FBXL7: variants seen among roughly 807,000 people sequenced by gnomAD.
FBXL7 encodes the protein F-box/LRR-repeat protein 7.
FBXL7 carries 12 observed loss-of-function variants against 38.3 expected under a neutral mutation model. The observed-to-expected ratio is 0.31, with a 90% CI of 0.20 to 0.51. The LOEUF is 0.51. Among genes scored for constraint, FBXL7 ranks in the 20% least tolerant of loss-of-function variants. FBXL7 has a pLI of 0.98. For missense variants in FBXL7, 567 were observed against 676.4 expected, an observed-to-expected ratio of 0.84 and a Z score of 1.79; for synonymous variants, 297 against 300.9, an observed-to-expected ratio of 0.99 and a Z score of 0.13.
At chr5:15,772,091 A>AAG (rs1736745182) in intron 2 of FBXL7, among the ~76,000 whole-genome samples, 1 of 152,070 alleles carries the variant, frequency 6.6e-6, no homozygotes, top group South Asian at 2.1e-4. Flanking sequence ...ACTTTTAATA[A>AAG]AGTAACTATA....
At position 15,939,292 on chromosome 5, in the gene FBXL7, G is replaced by T; in HGVS notation, c.*2106G>T. On this transcript the variant is annotated 3_prime_UTR_variant, in exon 4 of 4. Transcript: ENST00000504595. ...GCAGCATTCCTCAGCTCTGTGACTT[G>T]TGACCCTATTTGAAGTTTCAGGATT... 1 of 369,174 alleles carries T rather than the reference G, an allele frequency of 2.7e-6. No individual in the cohort carries two copies. Among genetic ancestry groups the T allele is most frequent in the East Asian group, 3.9e-5 (1 of 25,654 alleles). 22.9% of individuals were successfully genotyped at this position (369,174 alleles called of 1,614,324 possible).
chr5:15,575,861 A>G lies in FBXL7; in HGVS notation c.38-40122A>G, dbSNP rs146414687. Among the ~76,000 whole-genome samples, 1,406 of 152,306 alleles carry G rather than the reference A, an allele frequency of 9.2e-3. 12 individuals are homozygous for G. Among genetic ancestry groups the G allele is most frequent in the Non-Finnish European group, 0.014 (954 of 68,018 alleles). On this transcript the variant is annotated intron_variant, in intron 1 of 3. Transcript: ENST00000504595. The stretch of plus-strand genomic sequence containing the variant: ...TCTCATTGTACACTGTTCTAGGAGC[A>G]AATAACTAGTTTCCACAAAGAACAA...
rs1278363568 is a variant in FBXL7, at chr5:15,928,244, G to T, written c.482G>T (p.Gly161Val). Residue 161 changes from glycine (G) to valine (V), a missense_variant, in exon 3 of 4, where the codon GGC (glycine) becomes GTC (valine). By Grantham distance (109) the Gly-to-Val change is moderately radical. Coordinates refer to ENST00000504595, the MANE Select transcript of FBXL7 (RefSeq NM_012304.5). The surrounding 1 kb of genome is among the most constrained non-coding windows in gnomAD (Gnocchi z 4.0). Reference sequence around the variant, plus strand: ...CTCTGGAGGACTATCCGCCTGACGGGCGAGACCATCAACGTGGACCGCGCC... The same window carrying T: ...CTCTGGAGGACTATCCGCCTGACGGTCGAGACCATCAACGTGGACCGCGCC... ...PRLWRTIRLT[G>V]ETINVDRALK... The T allele has an allele frequency of 6.2e-7, 1 of 1,611,574 alleles. No homozygotes were observed. The highest frequency in any genetic ancestry group is 2.2e-5 in the East Asian group (1 of 44,782).
intron 2 of FBXL7, among the ~76,000 whole-genome samples, chr5:15,757,116 G>A (rs1054392362): frequency 5.9e-5 from 9 of 152,170 alleles, no homozygotes; most frequent in African/African-American, 1.9e-4. Context: ...GTGAGTGGAT[G>A]TAGGAATTGG....
chr5:15,913,093 G>C (rs1198576472), intron 2 of FBXL7, among the ~76,000 whole-genome samples: 1 of 152,034 alleles, frequency 6.6e-6, no homozygotes, highest in Non-Finnish European at 1.5e-5. Context: ...GTTTTTCCAA[G>C]CATTTAAAAA....
intron 1 of FBXL7, among the ~76,000 whole-genome samples, chr5:15,513,574 TGTG>T (rs1736857385): frequency 3.3e-5 from 5 of 152,216 alleles, no homozygotes; most frequent in Non-Finnish European, 7.3e-5. Flanking sequence ...TTCCTGCATG[TGTG>T]TTCAGATCAG....
intron 2 of FBXL7, among the ~76,000 whole-genome samples, chr5:15,770,490 A>C (rs557326336): frequency 6.6e-6 from 1 of 152,294 alleles, no homozygotes; most frequent in South Asian, 2.1e-4. Context: ...CAGCCAACTT[A>C]CGACCGTGAG....
intron 2 of FBXL7, among the ~76,000 whole-genome samples, chr5:15,625,092 T>G (rs1052313315): frequency 1.3e-5 from 2 of 152,128 alleles, no homozygotes; most frequent in Admixed American, 1.3e-4. Context: ...TAAGTGTCTT[T>G]TCTTTATAAA....
rs539588776 is a variant in FBXL7 at position 15,506,066 on chromosome 5, T to G, written c.37+5353T>G. On this transcript the variant is annotated intron_variant, in intron 1 of 3. Transcript: ENST00000504595. ...TTTTCCTTCTTCACAGTTTTACGGA[T>G]AGAATATTCATTCTTACTGTAAATC... 3.3e-5 allele frequency among the ~76,000 whole-genome samples: 5 copies of G among 152,334 alleles called. 1 individual carries two copies. The South Asian group carries it at 1.0e-3, about 32-fold the overall frequency.
chr5:15,818,703 C>CGTGT (rs3222099), intron 2 of FBXL7, among the ~76,000 whole-genome samples: 11,482 of 116,610 alleles, frequency 0.098, 536 homozygotes, highest in Admixed American at 0.17. Flanking sequence ...CCCATTATTT[C>CGTGT]GTGTGTGTGT....
At position 15,610,395 on chromosome 5, in the gene FBXL7, C is replaced by T. The variant is rs570088231; in HGVS notation, c.38-5588C>T. On this transcript the variant is annotated intron_variant, in intron 1 of 3. Transcript: ENST00000504595. ...CCACCTCCCTCTTATCTGGACTTTC[C>T]GTATGTACAACTCCAGGGTCTAATC... Among the ~76,000 whole-genome samples the T allele has an allele frequency of 9.9e-5, 15 of 152,246 alleles. No individual in the cohort carries two copies. The South Asian group carries it at 2.9e-3, about 29-fold the overall frequency.
At chr5:15,916,372 G>A (rs1347598733) in intron 2 of FBXL7, among the ~76,000 whole-genome samples, 2 of 152,164 alleles carry the variant, frequency 1.3e-5, no homozygotes, top group African/African-American at 4.8e-5. Flanking sequence ...TGCAGAGATG[G>A]GGGAGCATGG....
At chr5:15,861,049 C>A (rs1739452235) in intron 2 of FBXL7, among the ~76,000 whole-genome samples, 1 of 152,198 alleles carries the variant, frequency 6.6e-6, no homozygotes, top group South Asian at 2.1e-4. Context: ...AGTGGTACAT[C>A]TGTACCCAGT....
chr5:15,539,682 G>C (rs1034326762), intron 1 of FBXL7, among the ~76,000 whole-genome samples: 7 of 151,828 alleles, frequency 4.6e-5, no homozygotes, highest in African/African-American at 1.7e-4. Flanking sequence ...CTGCTGGGGG[G>C]CATTTGTGAA....
intron 2 of FBXL7, among the ~76,000 whole-genome samples, chr5:15,628,244 A>G (rs1261232540): frequency 6.6e-6 from 1 of 152,200 alleles, no homozygotes. Context: ...ATGTTTGGTT[A>G]TGTGAATATT....
intron 2 of FBXL7, among the ~76,000 whole-genome samples, chr5:15,732,095 A>C (rs1735603424): frequency 6.6e-6 from 1 of 152,186 alleles, no homozygotes. Flanking sequence ...ATACTTTTAT[A>C]TGTTTTTCCC....
intron 1 of FBXL7, among the ~76,000 whole-genome samples, chr5:15,510,569 C>G (rs1486682536): frequency 6.6e-6 from 1 of 151,960 alleles, no homozygotes; most frequent in Non-Finnish European, 1.5e-5. Context: ...GAAGAAAGAA[C>G]ATAAAAATAA....
chr5:15,801,349 T>A (rs1737558586), intron 2 of FBXL7, among the ~76,000 whole-genome samples: 1 of 152,208 alleles, frequency 6.6e-6, no homozygotes, highest in African/African-American at 2.4e-5. Context: ...AGGGCTACTG[T>A]ATTTAAAAGG....
At chr5:15,721,717 T>C (rs1295742826) in intron 2 of FBXL7, among the ~76,000 whole-genome samples, 1 of 152,216 alleles carries the variant, frequency 6.6e-6, no homozygotes, top group Non-Finnish European at 1.5e-5. Context: ...CAAAACATTT[T>C]CTTTTCATAT....
Sources: allele counts gnomAD v4.1 joint callset (sites outside exome capture counted in the v4.1 genomes callset), GRCh38; gene constraint gnomAD v4.1.1; non-coding constraint Gnocchi (gnomAD v3.1); transcripts MANE v1.5; gene names NCBI Gene and HGNC (gene_info 2026-07-23, HGNC 2026-07-21).